Variants in CPZ observed in about 807,000 individuals in gnomAD.
The protein encoded by CPZ is carboxypeptidase Z.
Under a neutral mutation model 61.8 loss-of-function variants are expected in CPZ, and 103 were observed. That is an observed-to-expected ratio of 1.67 (90% confidence interval 1.42 to 1.96). The LOEUF (loss-of-function observed/expected upper bound fraction) is 1.96, where lower values mean the gene tolerates loss of function less well. CPZ is among the 30% of genes most tolerant of loss of function. The pLI is 0.00. For missense variants in CPZ, 1,461 were observed against 914.9 expected, an observed-to-expected ratio of 1.60 and a Z score of -7.70; for synonymous variants, 551 against 373.7, an observed-to-expected ratio of 1.47 and a Z score of -5.47.
chr4:8,612,188 G>GGGTGGGGGT, intron 8 of CPZ, 26 bp downstream of exon 8: 1 of 470,846 alleles, frequency 2.1e-6, no homozygotes, highest in Non-Finnish European at 3.3e-6. Context: ...GGCGGGACTG[G>GGGTGGGGGT]GCGGGGGGTG....
At chr4:8,617,430 T>C (rs887651560) in intron 9 of CPZ, among the ~76,000 whole-genome samples, 1 of 152,240 alleles carries the variant, frequency 6.6e-6, no homozygotes, top group Non-Finnish European at 1.5e-5. Flanking sequence ...TTCCTGACCC[T>C]GTGGGCCCAG....
chr4:8,593,232 T>G (rs927760397), intron 1 of CPZ, among the ~76,000 whole-genome samples: 1 of 152,002 alleles, frequency 6.6e-6, no homozygotes, highest in Non-Finnish European at 1.5e-5. Flanking sequence ...GCCCTGCAGG[T>G]GGGTTCGAGG....
intron 5 of CPZ, 81 bp downstream of exon 5, chr4:8,606,266 A>C: frequency 7.3e-7 from 1 of 1,373,508 alleles, no homozygotes; most frequent in Non-Finnish European, 9.9e-7. Context: ...AGTTTATCCC[A>C]GCAGTGCTTC....
intron 7 of CPZ, among the ~76,000 whole-genome samples, chr4:8,609,684 C>T (rs1715485631): frequency 6.6e-6 from 1 of 152,266 alleles, no homozygotes; most frequent in African/African-American, 2.4e-5. Flanking sequence ...CCCAGTGTGT[C>T]TCAGCCTCAG....
chr4:8,594,721 T>C (rs1251991317), intron 1 of CPZ, among the ~76,000 whole-genome samples: 2 of 152,054 alleles, frequency 1.3e-5, no homozygotes, highest in Non-Finnish European at 2.9e-5. Flanking sequence ...TATTTTCTAG[T>C]AGCCACACTA....
intron 5 of CPZ, 80 bp downstream of exon 5, chr4:8,606,265 C>G: frequency 7.3e-7 from 1 of 1,376,430 alleles, no homozygotes; most frequent in African/African-American, 1.4e-5. Context: ...TAGTTTATCC[C>G]AGCAGTGCTT....
rs753055966 is a variant in CPZ, at chr4:8,612,052, A to C, written c.1253A>C (p.Tyr418Ser). The C allele has an allele frequency of 6.2e-6, 10 of 1,613,956 alleles. No homozygotes were observed. Among genetic ancestry groups the C allele is most frequent in the South Asian group, 2.2e-5 (2 of 91,066 alleles). The change falls in exon 8 of 11, where the codon TAC (tyrosine) becomes TCC (serine). Residue 418 changes from tyrosine (Y) to serine (S), a missense_variant. Physicochemically the swap from Tyr to Ser is moderately radical, Grantham distance 144. Coordinates refer to ENST00000360986, the MANE Select transcript of CPZ (RefSeq NM_001014447.3). Reference protein sequence around the residue: ...EKMFKLLSRAYADVHPMMMDR... With the variant: ...EKMFKLLSRASADVHPMMMDR... ...ATGTTCAAGCTGCTGTCCAGAGCCT[A>C]CGCTGACGTCCACCCCATGATGATG...
chr4:8,607,879 C>T (rs1577117904), intron 7 of CPZ, among the ~76,000 whole-genome samples: 2 of 152,196 alleles, frequency 1.3e-5, no homozygotes, highest in East Asian at 3.9e-4. Flanking sequence ...TGCTGGGCTC[C>T]TCCGGATGGG....
At chr4:8,593,000 C>A in intron 1 of CPZ, 79 bp downstream of exon 1, 2 of 1,187,910 alleles carry the variant, frequency 1.7e-6, no homozygotes, top group Non-Finnish European at 2.4e-6. Flanking sequence ...TTCCCAGGGG[C>A]CCGGGAGCTT....
intron 2 of CPZ, chr4:8,599,814 C>T: frequency 5.6e-6 from 2 of 359,294 alleles, no homozygotes; most frequent in Middle Eastern, 8.5e-4. Flanking sequence ...TGGTCACTGG[C>T]TCTGTGCCGG....
intron 4 of CPZ, among the ~76,000 whole-genome samples, chr4:8,605,047 G>GAGGGCAAGAGGTGCCCCTGTGCAGA (rs1714834355): frequency 6.6e-6 from 1 of 152,202 alleles, no homozygotes; most frequent in African/African-American, 2.4e-5. Context: ...ACTGGAATTT[G>GAGGGCAAGAGGTGCCCCTGTGCAGA]AGGGCAAGAG....
Position 8,601,564 on chromosome 4 carries a change from CACTG to C in CPZ, c.496+68_496+71del. The stretch of plus-strand genomic sequence containing the variant: ...GGTGGTCAAGGAGGACCAAGAGCCA[CACTG>C]GAAGGAACTTGAGGGCTTTTCCATC... On this transcript the variant is annotated intron_variant, in intron 3 of 10. Transcript: ENST00000360986. 15 of 1,394,228 alleles carry C rather than the reference CACTG, an allele frequency of 1.1e-5. No individual in the cohort carries two copies. In the South Asian group the frequency reaches 2.3e-4, roughly 21 times the overall value. 86.4% of individuals were successfully genotyped at this position (1,394,228 alleles called of 1,614,324 possible).
In CPZ at chr4:8,601,222, A is replaced by T; in HGVS notation, c.221A>T (p.Glu74Val). 1 of 1,613,464 alleles carries T rather than the reference A, an allele frequency of 6.2e-7. No individual in the cohort carries two copies. Among genetic ancestry groups the T allele is most frequent in the Non-Finnish European group, 8.5e-7 (1 of 1,179,920 alleles). Reference protein sequence around the residue: ...LLQHRSWEVVEASSEYILLSV... With the variant: ...LLQHRSWEVVVASSEYILLSV... Reference sequence around the variant, plus strand: ...CAGCACCGGTCGTGGGAGGTGGTGGAGGCCAGCTCCGAGTACATCCTGCTG... The same window carrying T: ...CAGCACCGGTCGTGGGAGGTGGTGGTGGCCAGCTCCGAGTACATCCTGCTG... The change falls in exon 3 of 11, where the codon GAG becomes GTG. Residue 74 changes from glutamate to valine, a missense_variant. Coordinates refer to ENST00000360986, the MANE Select transcript of CPZ (RefSeq NM_001014447.3).
At chr4:8,607,547 G>C (rs536176886) in intron 7 of CPZ, 122 bp downstream of exon 7, 5 of 1,149,782 alleles carry the variant, frequency 4.3e-6, no homozygotes, top group South Asian at 1.7e-5. Flanking sequence ...TACTCAGAGC[G>C]GGTCAGCACC....
rs371052240 is a variant in CPZ, at chr4:8,608,684, G to A, written c.1227+1259G>A. 2.4e-4 allele frequency among the ~76,000 whole-genome samples: 37 copies of A among 152,254 alleles called. No individual in the cohort carries two copies. The East Asian group carries it at 6.8e-3, about 28-fold the overall frequency. ...CATGTGCACACGTGCATATGTTGGG[G>A]TGGGGAACCCCCAGCCTGGTCTGGG... is the stretch of plus-strand genomic sequence containing the variant. On this transcript the variant is annotated intron_variant, in intron 7 of 10. Coordinates refer to ENST00000360986, the MANE Select transcript of CPZ (RefSeq NM_001014447.3).
chr4:8,609,597 G>T (rs1715477148), intron 7 of CPZ, among the ~76,000 whole-genome samples: 2 of 148,428 alleles, frequency 1.3e-5, no homozygotes, highest in South Asian at 2.1e-4. Context: ...GGCAGGGCAG[G>T]TGTCCCCCTC....
chr4:8,611,049 C>G (rs1715619776), intron 7 of CPZ: 3 of 372,824 alleles, frequency 8.0e-6, no homozygotes, highest in Non-Finnish European at 1.1e-5. Flanking sequence ...CTTGCTCACG[C>G]ATTCGCTCAC....
At position 8,619,328 on chromosome 4, in the gene CPZ, G is replaced by T. The variant is rs148286815; in HGVS notation, c.1670G>T (p.Gly557Val). 3.1e-6 allele frequency: 5 copies of T among 1,613,990 alleles called. No homozygotes were observed. In the East Asian group the frequency reaches 8.9e-5, roughly 29 times the overall value. ...CACATTGTCATTGCCCAAGCCCCTG[G>T]CTACGCCAAAGTCATCAAGAAAGTC... ...GIHIVIAQAP[G>V]YAKVIKKVII... The change falls in exon 11 of 11, where the codon GGC (glycine) becomes GTC (valine). Residue 557 changes from glycine to valine, a missense_variant. Coordinates refer to ENST00000360986, the MANE Select transcript of CPZ (RefSeq NM_001014447.3).
At chr4:8,609,538 C>A (rs1383850029) in intron 7 of CPZ, among the ~76,000 whole-genome samples, 1 of 137,344 alleles carries the variant, frequency 7.3e-6, no homozygotes, top group Admixed American at 6.8e-5. Context: ...TGGGCGGCCT[C>A]CACTTCTGGC....
Sources: gnomAD v4.1 joint callset for allele counts (sites outside exome capture counted in the v4.1 genomes callset) on GRCh38, gnomAD v4.1.1 for gene constraint, MANE v1.5 for transcripts, NCBI Gene and HGNC (gene_info 2026-07-23, HGNC 2026-07-21) for gene names.